Variants in SGPL1 observed in about 807,000 individuals in gnomAD.
SGPL1 encodes the protein SP-lyase 1.
Under a neutral mutation model 68.9 loss-of-function variants are expected in SGPL1, and 37 were observed. The observed-to-expected ratio is 0.54, with a 90% confidence interval of 0.41 to 0.71. The LOEUF (loss-of-function observed/expected upper bound fraction) is 0.71, where lower values mean the gene tolerates loss of function less well. Ranked by LOEUF, SGPL1 falls within the 30% of genes least tolerant of loss-of-function variation. The pLI, the probability that SGPL1 is intolerant of heterozygous loss-of-function variation, is 0.00. For missense variants in SGPL1, 551 were observed against 704.6 expected (o/e 0.78, Z 2.47); for synonymous variants, 236 against 248.5 (o/e 0.95, Z 0.47).
At chr10:70,876,460 A>C (rs1244219179) in intron 13 of SGPL1, 81 bp from the exon 14 acceptor site, 3 of 1,317,028 alleles carry the variant, frequency 2.3e-6, no homozygotes, top group Non-Finnish European at 3.1e-6. Context: ...CAACCAGGAA[A>C]TTCCCGTATT....
chr10:70,873,305 G>A, intron 11 of SGPL1, 46 bp from the exon 12 acceptor site: 1 of 1,405,244 alleles, frequency 7.1e-7, no homozygotes, highest in Non-Finnish European at 1.0e-6. Context: ...AGGTCTGCCA[G>A]ACAGAACTAT....
intron 2 of SGPL1, among the ~76,000 whole-genome samples, chr10:70,842,978 A>G (rs1845738865): frequency 6.6e-6 from 1 of 152,232 alleles, no homozygotes; most frequent in African/African-American, 2.4e-5. Context: ...GCCATCATGT[A>G]GCTTACACTT....
At chr10:70,828,809 C>T (rs1408950015) in intron 2 of SGPL1, among the ~76,000 whole-genome samples, 6 of 152,242 alleles carry the variant, frequency 3.9e-5, no homozygotes, top group African/African-American at 1.4e-4. Flanking sequence ...GCATTTAATT[C>T]CATTCTTTTG....
intron 2 of SGPL1, among the ~76,000 whole-genome samples, chr10:70,817,884 A>G (rs144923300): frequency 1.3e-3 from 202 of 152,336 alleles, no homozygotes; most frequent in African/African-American, 4.4e-3. Flanking sequence ...TTGGACAGAG[A>G]GGTATGCCTG....
At chr10:70,855,963 A>AG (rs72512879) in intron 5 of SGPL1, among the ~76,000 whole-genome samples, 1 of 3,932 alleles carries the variant, frequency 2.5e-4, no homozygotes, top group Non-Finnish European at 0.014. Flanking sequence ...TCTAGGAGCC[A>AG]ACCAGGAGCC....
intron 7 of SGPL1, among the ~76,000 whole-genome samples, chr10:70,862,989 T>G (rs750268840): frequency 2.0e-5 from 3 of 152,180 alleles, no homozygotes; most frequent in Non-Finnish European, 4.4e-5. Context: ...CCTTTTATTT[T>G]ATTATTATTT....
At chr10:70,847,392 GC>G (rs1845808963) in intron 3 of SGPL1, among the ~76,000 whole-genome samples, 1 of 151,950 alleles carries the variant, frequency 6.6e-6, no homozygotes, top group Admixed American at 6.6e-5. Flanking sequence ...CAGGTGATCC[GC>G]CCACCTCAAC....
At chr10:70,853,583 G>GT (rs891603942) in intron 4 of SGPL1, among the ~76,000 whole-genome samples, 13 of 152,048 alleles carry the variant, frequency 8.5e-5, no homozygotes, top group African/African-American at 2.7e-4. Context: ...AGGACAGGAG[G>GT]TTTTTTTTCC....
In SGPL1 at chr10:70,821,672, C is replaced by T. The variant is rs567859714; in HGVS notation, c.27+4792C>T. Among the ~76,000 whole-genome samples, 15 of 152,276 alleles carry T rather than the reference C, an allele frequency of 9.9e-5. No individual in the cohort carries two copies. The South Asian group carries it at 1.0e-3, about 11-fold the overall frequency. ...CTTACAACGCACAGTTTCCTGCAAACAAGAATTATCTGGCCTAGAATGTCA... is the reference window on the plus strand; with the variant it reads ...CTTACAACGCACAGTTTCCTGCAAATAAGAATTATCTGGCCTAGAATGTCA... On this transcript the variant is annotated intron_variant, in intron 2 of 14. Coordinates refer to ENST00000373202, the MANE Select transcript of SGPL1 (RefSeq NM_003901.4).
chr10:70,874,009 C>T (rs1251729281), intron 12 of SGPL1, among the ~76,000 whole-genome samples: 3 of 152,070 alleles, frequency 2.0e-5, no homozygotes, highest in Non-Finnish European at 4.4e-5. Flanking sequence ...GGGATGGGCT[C>T]TAAAAATTTC....
At chr10:70,855,342 A>G (rs1845947268) in intron 5 of SGPL1, among the ~76,000 whole-genome samples, 1 of 152,224 alleles carries the variant, frequency 6.6e-6, no homozygotes, top group Non-Finnish European at 1.5e-5. Context: ...GAATGCTAAT[A>G]GTGTTTGTCT....
intron 2 of SGPL1, among the ~76,000 whole-genome samples, chr10:70,840,085 G>A (rs533124213): frequency 6.6e-6 from 1 of 152,162 alleles, no homozygotes. Context: ...CATGTATCCA[G>A]GGTAGATCCT....
chr10:70,835,429 C>T (rs1845609578), intron 2 of SGPL1, among the ~76,000 whole-genome samples: 1 of 152,126 alleles, frequency 6.6e-6, no homozygotes, highest in African/African-American at 2.4e-5. Context: ...ACACTGGAAA[C>T]GTGGCACATT....
intron 2 of SGPL1, among the ~76,000 whole-genome samples, chr10:70,842,911 C>T (rs574050698): frequency 1.4e-4 from 21 of 152,294 alleles, no homozygotes; most frequent in Admixed American, 9.2e-4. Flanking sequence ...AAATTGTGTG[C>T]CGGGCACTCT....
At chr10:70,871,768 C>T in intron 10 of SGPL1, 69 bp from the exon 11 acceptor site, 1 of 1,454,436 alleles carries the variant, frequency 6.9e-7, no homozygotes. Flanking sequence ...TCTTTCCACC[C>T]ATGTCTTGCA....
rs55860254 is a variant in SGPL1, at chr10:70,848,454, CTTTTTTTTTTTTTTT to C, written c.194-2675_194-2661del. Among the ~76,000 whole-genome samples, 4 of 70,674 alleles carry C rather than the reference CTTTTTTTTTTTTTTT, an allele frequency of 5.7e-5. No homozygotes were observed. In the South Asian group the frequency reaches 1.8e-3, roughly 33 times the overall value. 46.4% of individuals were successfully genotyped at this position (70,674 alleles called of 152,430 possible). On this transcript the variant is annotated intron_variant, in intron 3 of 14. Coordinates refer to ENST00000373202, the MANE Select transcript of SGPL1 (RefSeq NM_003901.4). ...CAAACTAACGTGATTACCTCACGTACTTTTTTTTTTTTTTTTTTTTTTTTTTTTGAGATGGAGTTT... is the reference window on the plus strand; with the variant it reads ...CAAACTAACGTGATTACCTCACGTACTTTTTTTTTTTTTGAGATGGAGTTT...
chr10:70,822,593 G>A (rs146501135), intron 2 of SGPL1, among the ~76,000 whole-genome samples: 1 of 152,190 alleles, frequency 6.6e-6, no homozygotes, highest in Admixed American at 6.5e-5. Flanking sequence ...ACCATGCTGT[G>A]GGGGAAGGGG....
chr10:70,864,126 G>A (rs1437983236), intron 7 of SGPL1, among the ~76,000 whole-genome samples: 1 of 151,934 alleles, frequency 6.6e-6, no homozygotes, highest in Admixed American at 6.6e-5. Flanking sequence ...TAGGAAGGTT[G>A]CTCAAGGTAT....
At chr10:70,834,622 T>C (rs1488166550) in intron 2 of SGPL1, among the ~76,000 whole-genome samples, 1 of 152,212 alleles carries the variant, frequency 6.6e-6, no homozygotes, top group Admixed American at 6.5e-5. Context: ...GAAAAGGCCA[T>C]GCAATAGCAG....
Sources: gnomAD v4.1 joint callset for allele counts (sites outside exome capture counted in the v4.1 genomes callset) on GRCh38, gnomAD v4.1.1 for gene constraint, MANE v1.5 for transcripts, NCBI Gene and HGNC (gene_info 2026-07-23, HGNC 2026-07-21) for gene names.